The following ADGRV1 variants were observed in gnomAD, a reference collection of about 807,000 sequenced individuals.
ADGRV1 encodes the protein G-protein coupled receptor 98.
ADGRV1 carries 359 observed loss-of-function variants against 596.2 expected under a neutral mutation model. That is an observed-to-expected ratio of 0.60 (90% CI 0.55 to 0.66). ADGRV1 has a LOEUF of 0.66. Among genes scored for constraint, ADGRV1 ranks in the 30% least tolerant of loss-of-function variants. The probability of loss-of-function intolerance (pLI) is 0.00; values close to 1 mark genes in which losing one functional copy is unlikely to be tolerated. For synonymous variants in ADGRV1, 2,681 were observed against 2,679.2 expected (o/e 1.00, Z -0.02); for missense variants, 7,274 against 7,575.6 (o/e 0.96, Z 1.48).
rs547436567 is a variant in ADGRV1, at chr5:90,683,105, G to A, written c.5665-481G>A. On this transcript the variant is annotated intron_variant, in intron 27 of 89. Transcript: ENST00000405460. ...TGTTGTTAATCACATTTAATTTATT[G>A]GGCATAAAAGATACACAAAAAATAG... Among the ~76,000 whole-genome samples the A allele has an allele frequency of 3.3e-5, 5 of 152,060 alleles. No homozygotes were observed. In the South Asian group the frequency reaches 1.0e-3, roughly 32 times the overall value.
intron 77 of ADGRV1, among the ~76,000 whole-genome samples, chr5:90,833,190 T>A (rs1276812584): frequency 6.6e-6 from 1 of 152,210 alleles, no homozygotes; most frequent in Admixed American, 6.5e-5. Flanking sequence ...TTGGGTAGTA[T>A]GAACATGTTA....
chr5:90,685,878 C>T lies in ADGRV1; in HGVS notation c.6373C>T (p.Pro2125Ser). The T allele has an allele frequency of 1.2e-6, 2 of 1,612,074 alleles. No individual in the cohort carries two copies. The highest frequency in any genetic ancestry group is 1.7e-6 in the Non-Finnish European group (2 of 1,178,706). ...ATTTGGAACTCTTCAGCTCTCAGCA[C>T]CAATTGTCCGAGTGGCAGAAAATCA... ...DAFGTLQLSA[P>S]IVRVAENHVG... Residue 2125 changes from proline to serine, a missense_variant, in exon 29 of 90, where the codon CCA (proline) becomes TCA (serine). By Grantham distance (74) the Pro-to-Ser change is moderately conservative. Around this residue, in one of 5 missense-constraint regions of ADGRV1, gnomAD observed 3,643 missense variants for 3,809.2 expected, o/e 0.96. Transcript: ENST00000405460.
At chr5:90,930,272 C>G (rs1775107738) in intron 83 of ADGRV1, among the ~76,000 whole-genome samples, 1 of 152,106 alleles carries the variant, frequency 6.6e-6, no homozygotes, top group Non-Finnish European at 1.5e-5. Context: ...CAGTCCTGGT[C>G]TAACAAAATG....
chr5:90,756,606 A>C lies in ADGRV1; in HGVS notation c.11733A>C (p.Gly3911=). Residue 3911 remains glycine, a synonymous_variant, in exon 56 of 90, where the codon GGA becomes GGC. Coordinates refer to ENST00000405460, the MANE Select transcript of ADGRV1 (RefSeq NM_032119.4). The stretch of plus-strand genomic sequence containing the variant: ...TAGAAGAAAATGACGATCCCAGAGG[A>C]ATTTTTATGTTTCATGTTACTAGAG... ...IMIEENDDPR[G]IFMFHVTRGA... The C allele has an allele frequency of 6.8e-6, 11 of 1,613,676 alleles. No individual in the cohort carries two copies. The highest frequency in any genetic ancestry group is 9.3e-6 in the Non-Finnish European group (11 of 1,179,674).
At chr5:91,016,893 G>A (rs1783215228) in intron 85 of ADGRV1, among the ~76,000 whole-genome samples, 1 of 151,722 alleles carries the variant, frequency 6.6e-6, no homozygotes, top group Non-Finnish European at 1.5e-5. Flanking sequence ...GATGAAAAGG[G>A]AAGCTAATGA....
chr5:90,991,642 C>T (rs959353456), intron 85 of ADGRV1, among the ~76,000 whole-genome samples: 2 of 152,120 alleles, frequency 1.3e-5, no homozygotes, highest in African/African-American at 4.8e-5. Flanking sequence ...ATACACTAAA[C>T]AAATCTTTAT....
At chr5:90,641,764 G>A (rs1373580302) in intron 11 of ADGRV1, among the ~76,000 whole-genome samples, 1 of 152,098 alleles carries the variant, frequency 6.6e-6, no homozygotes, top group African/African-American at 2.4e-5. Flanking sequence ...TGGTTCAATA[G>A]GACGTGACAT....
intron 87 of ADGRV1, among the ~76,000 whole-genome samples, chr5:91,123,356 C>G (rs1793487715): frequency 6.6e-6 from 1 of 151,998 alleles, no homozygotes; most frequent in South Asian, 2.1e-4. Context: ...GCTGGGACGT[C>G]CAAGATCAAA....
chr5:90,913,848 A>G (rs998975577), intron 83 of ADGRV1, among the ~76,000 whole-genome samples: 8 of 152,202 alleles, frequency 5.3e-5, no homozygotes, highest in African/African-American at 1.9e-4. Context: ...AAAAATATCT[A>G]TAATTAGTTG....
chr5:90,870,821 C>T (rs1768597073), intron 83 of ADGRV1, among the ~76,000 whole-genome samples: 1 of 152,104 alleles, frequency 6.6e-6, no homozygotes, highest in Non-Finnish European at 1.5e-5. Flanking sequence ...ATTTTCTTTC[C>T]TTGAAAGAGA....
At chr5:91,121,800 A>C (rs1378106030) in intron 87 of ADGRV1, among the ~76,000 whole-genome samples, 1 of 152,162 alleles carries the variant, frequency 6.6e-6, no homozygotes, top group Non-Finnish European at 1.5e-5. Context: ...ATTTTAAAAG[A>C]ATATGAAGCA....
intron 82 of ADGRV1, among the ~76,000 whole-genome samples, 177 bp from the exon 83 acceptor site, chr5:90,863,580 C>T (rs906628257): frequency 5.3e-5 from 8 of 152,164 alleles, no homozygotes; most frequent in Admixed American, 1.3e-4. Context: ...GTGTAAAGAT[C>T]TTACTTGTCA....
chr5:90,907,451 A>G (rs989849191), intron 83 of ADGRV1, among the ~76,000 whole-genome samples: 1 of 152,178 alleles, frequency 6.6e-6, no homozygotes, highest in African/African-American at 2.4e-5. Context: ...CCTCCCTAAC[A>G]TAGTGTATGC....
intron 1 of ADGRV1, among the ~76,000 whole-genome samples, chr5:90,611,242 A>G (rs546405660): frequency 6.6e-6 from 1 of 151,766 alleles, no homozygotes; most frequent in Non-Finnish European, 1.5e-5. Flanking sequence ...TAATTCTGAA[A>G]TTTTTTTGGA....
intron 6 of ADGRV1, chr5:90,625,482 C>T (rs1764618425): frequency 3.1e-6 from 1 of 325,702 alleles, no homozygotes; most frequent in South Asian, 1.3e-4. Flanking sequence ...TTTTGTATAC[C>T]CTGGTAATCA....
intron 69 of ADGRV1, among the ~76,000 whole-genome samples, chr5:90,790,603 G>A (rs1208228387): frequency 6.6e-6 from 1 of 152,080 alleles, no homozygotes. Flanking sequence ...TTTTAAGGTA[G>A]CTTGCTTCTC....
intron 83 of ADGRV1, among the ~76,000 whole-genome samples, chr5:90,921,294 A>G (rs1773852990): frequency 6.6e-6 from 1 of 152,074 alleles, no homozygotes; most frequent in Non-Finnish European, 1.5e-5. Context: ...TTGTTTCATC[A>G]TTCAACATTG....
At chr5:90,635,797 G>A (rs1449320620) in intron 10 of ADGRV1, among the ~76,000 whole-genome samples, 2 of 151,748 alleles carry the variant, frequency 1.3e-5, no homozygotes, top group African/African-American at 2.4e-5. Flanking sequence ...GTTTTGTCAT[G>A]TTGTCCAGTT....
chr5:90,692,825 G>T (rs769331232), intron 32 of ADGRV1, 39 bp downstream of exon 32: 5 of 1,475,204 alleles, frequency 3.4e-6, no homozygotes, highest in Non-Finnish European at 4.6e-6. Flanking sequence ...GGAGTGATGA[G>T]AATTGTGGGG....
Sources: gnomAD v4.1 joint callset for allele counts (sites outside exome capture counted in the v4.1 genomes callset) on GRCh38, gnomAD v4.1.1 for gene constraint, gnomAD v4.1.1 regional missense constraint, MANE v1.5 for transcripts, NCBI Gene and HGNC (gene_info 2026-07-23, HGNC 2026-07-21) for gene names.